The following ASTN2 variants were observed in gnomAD, a reference collection of about 807,000 sequenced individuals.
ASTN2 encodes astrotactin 2.
ASTN2 carries 54 observed loss-of-function variants against 139.8 expected under a neutral mutation model. The observed-to-expected ratio is 0.39, with a 90% CI of 0.31 to 0.48. The LOEUF (loss-of-function observed/expected upper bound fraction) is 0.48. ASTN2 is among the 20% of genes least tolerant of loss of function. The pLI, the probability that ASTN2 is intolerant of heterozygous loss-of-function variation, is 0.95. For synonymous variants in ASTN2, 756 were observed against 719.5 expected (o/e 1.05, Z -0.81); for missense variants, 1,565 against 1,725.1 (o/e 0.91, Z 1.64).
chr9:116,424,494 T>G lies in ASTN2; in HGVS notation c.*1357A>C, dbSNP rs1847253434. ...CACCTTTTAACACTTCCTATTTTGA[T>G]CCCTACTCTTAAGGAAAGTTTTCAG... On this transcript the variant is annotated 3_prime_UTR_variant, in exon 23 of 23. Transcript: ENST00000313400. Among the ~76,000 whole-genome samples the G allele has an allele frequency of 6.6e-6, 1 of 152,198 alleles. No homozygotes were observed. Among genetic ancestry groups the G allele is most frequent in the Admixed American group, 6.5e-5 (1 of 15,288 alleles).
rs189120269 is a variant in ASTN2 at position 117,192,873 on chromosome 9, A to C, written c.1015+21485T>G. ...TGGAACAAGGTTCTGTGTCTCTCAAAAGTGTTCAATAACACACAGTTTATC... is the reference window on the plus strand; with the variant it reads ...TGGAACAAGGTTCTGTGTCTCTCAACAGTGTTCAATAACACACAGTTTATC... On this transcript the variant is annotated intron_variant, in intron 3 of 22. Transcript: ENST00000313400. Among the ~76,000 whole-genome samples the C allele has an allele frequency of 5.3e-4, 81 of 152,350 alleles. 1 individual carries two copies. The East Asian group carries it at 0.015, about 28-fold the overall frequency.
intron 10 of ASTN2, among the ~76,000 whole-genome samples, chr9:116,950,768 T>C (rs950829070): frequency 1.3e-5 from 2 of 152,160 alleles, no homozygotes; most frequent in Non-Finnish European, 2.9e-5. Context: ...TACTAATATG[T>C]AAGTACCCTC....
At chr9:116,680,353 A>C (rs943065932) in intron 16 of ASTN2, among the ~76,000 whole-genome samples, 4 of 152,338 alleles carry the variant, frequency 2.6e-5, no homozygotes, top group Middle Eastern at 3.4e-3. Flanking sequence ...ATAGACCAAT[A>C]ACAGGATCTG....
At chr9:117,024,076 T>C (rs1338636202) in intron 6 of ASTN2, among the ~76,000 whole-genome samples, 1 of 152,082 alleles carries the variant, frequency 6.6e-6, no homozygotes, top group African/African-American at 2.4e-5. Context: ...CACAAACCAG[T>C]CTCATCCCAT....
intron 2 of ASTN2, among the ~76,000 whole-genome samples, chr9:117,272,368 G>T (rs1255006247): frequency 6.6e-6 from 1 of 152,216 alleles, no homozygotes; most frequent in African/African-American, 2.4e-5. Context: ...TTCCTCCTGG[G>T]CCTCTGGGCC....
chr9:116,797,609 T>C (rs1167597995), intron 13 of ASTN2, among the ~76,000 whole-genome samples: 1 of 152,196 alleles, frequency 6.6e-6, no homozygotes, highest in Non-Finnish European at 1.5e-5. Context: ...TATTGCTCCA[T>C]AGAGAGGCTT....
chr9:117,056,375 C>A (rs921895336), intron 5 of ASTN2, among the ~76,000 whole-genome samples: 1 of 152,182 alleles, frequency 6.6e-6, no homozygotes, highest in Non-Finnish European at 1.5e-5. Flanking sequence ...TTAGAAGAGA[C>A]TTCCATTCAT....
At chr9:116,940,037 T>G (rs1835182138) in intron 10 of ASTN2, among the ~76,000 whole-genome samples, 2 of 152,220 alleles carry the variant, frequency 1.3e-5, no homozygotes, top group Admixed American at 1.3e-4. Context: ...TTATGTACAG[T>G]ACATAATACT....
chr9:116,530,118 T>A (rs1587944640), intron 19 of ASTN2, among the ~76,000 whole-genome samples: 1 of 31,752 alleles, frequency 3.1e-5, no homozygotes, highest in African/African-American at 1.1e-4. Context: ...TATATATATA[T>A]ATATATATAT....
At chr9:117,006,405 T>G (rs1035509723) in intron 7 of ASTN2, among the ~76,000 whole-genome samples, 1 of 152,164 alleles carries the variant, frequency 6.6e-6, no homozygotes, top group African/African-American at 2.4e-5. Flanking sequence ...TTTGGGATAA[T>G]CTTTGACTCC....
intron 10 of ASTN2, among the ~76,000 whole-genome samples, chr9:116,867,358 G>A (rs1214053047): frequency 6.6e-6 from 1 of 151,924 alleles, no homozygotes; most frequent in Non-Finnish European, 1.5e-5. Flanking sequence ...AAGACACTGA[G>A]TAAGAAAGAA....
At chr9:116,513,820 G>A (rs1234628981) in intron 19 of ASTN2, among the ~76,000 whole-genome samples, 2 of 152,116 alleles carry the variant, frequency 1.3e-5, no homozygotes, top group African/African-American at 2.4e-5. Context: ...CATTCGTCAC[G>A]TAGTTATCGT....
At chr9:117,186,907 G>A (rs1305771093) in intron 3 of ASTN2, among the ~76,000 whole-genome samples, 2 of 152,238 alleles carry the variant, frequency 1.3e-5, no homozygotes, top group East Asian at 1.9e-4. Context: ...AAGGAGGGCA[G>A]ATCATGAAGT....
intron 2 of ASTN2, among the ~76,000 whole-genome samples, chr9:117,222,688 T>C (rs1457096427): frequency 1.3e-5 from 2 of 152,180 alleles, no homozygotes; most frequent in Non-Finnish European, 2.9e-5. Context: ...TCAATGCATC[T>C]ACTTTATGAA....
At chr9:117,129,909 C>T (rs2132835142) in intron 4 of ASTN2, among the ~76,000 whole-genome samples, 1 of 152,198 alleles carries the variant, frequency 6.6e-6, no homozygotes. Flanking sequence ...TTAGTATTCA[C>T]AAAATATATA....
chr9:116,739,207 A>G (rs1829028367), intron 13 of ASTN2, among the ~76,000 whole-genome samples: 1 of 152,236 alleles, frequency 6.6e-6, no homozygotes, highest in East Asian at 1.9e-4. Flanking sequence ...AACCTTTTTC[A>G]GGAACTGTTT....
chr9:116,956,370 A>T (rs1835708056), intron 10 of ASTN2, among the ~76,000 whole-genome samples: 1 of 149,280 alleles, frequency 6.7e-6, no homozygotes, highest in African/African-American at 2.4e-5. Context: ...AAGGGCTGGG[A>T]TTACAGGCAT....
intron 17 of ASTN2, 93 bp downstream of exon 17, chr9:116,651,435 A>T: frequency 7.2e-7 from 1 of 1,390,676 alleles, no homozygotes; most frequent in Non-Finnish European, 9.9e-7. Context: ...GATGATGATC[A>T]TGATGACAAT....
intron 4 of ASTN2, among the ~76,000 whole-genome samples, chr9:117,096,468 T>C (rs1364944186): frequency 6.6e-6 from 1 of 152,212 alleles, no homozygotes; most frequent in Non-Finnish European, 1.5e-5. Context: ...TTAAAGGAGA[T>C]GTAATATATA....
Sources: gnomAD v4.1 joint callset for allele counts (sites outside exome capture counted in the v4.1 genomes callset) on GRCh38, gnomAD v4.1.1 for gene constraint, MANE v1.5 for transcripts, NCBI Gene and HGNC (gene_info 2026-07-23, HGNC 2026-07-21) for gene names.